The following MGAT4C variants were observed in gnomAD, a reference collection of about 807,000 sequenced individuals.
MGAT4C encodes alpha-1,3-mannosyl-glycoprotein 4-beta-N-acetylglucosaminyltransferase C.
In MGAT4C, 19 loss-of-function variants were observed where a neutral mutation model predicts 40.1. The observed-to-expected ratio is 0.47, with a 90% CI of 0.33 to 0.70. The LOEUF is 0.70. Among genes scored for constraint, MGAT4C ranks in the 30% least tolerant of loss-of-function variants. The probability of loss-of-function intolerance (pLI) is 0.02; values close to 1 mark genes in which losing one functional copy is unlikely to be tolerated. For synonymous variants in MGAT4C, 181 were observed against 187.1 expected, an observed-to-expected ratio of 0.97 and a Z score of 0.27; for missense variants, 491 against 563.2, an observed-to-expected ratio of 0.87 and a Z score of 1.30.
chr12:86,117,224 G>A (rs958841705), intron 1 of MGAT4C, among the ~76,000 whole-genome samples: 9 of 152,056 alleles, frequency 5.9e-5, no homozygotes, highest in African/African-American at 2.2e-4. Flanking sequence ...ATAATAGCAT[G>A]GGCTAAAGAA....
chr12:86,334,956 A>T (rs2136177076), intron 3 of MGAT4C, among the ~76,000 whole-genome samples: 1 of 152,160 alleles, frequency 6.6e-6, no homozygotes, highest in South Asian at 2.1e-4. Flanking sequence ...AGTTAGGAAA[A>T]TGTAAAAATG....
rs143309692 is a variant in MGAT4C at position 86,798,854 on chromosome 12, A to T, written c.-262+39812T>A. On this transcript the variant is annotated intron_variant, in intron 1 of 7. Coordinates refer to the MGAT4C transcript ENST00000548651. ...AAAATAAAATATATTGTAAAAATCA[A>T]GGTAAATATAACATCTTTTATTATT... Among the ~76,000 whole-genome samples, 1,074 of 152,022 alleles carry T rather than the reference A, an allele frequency of 7.1e-3. 10 individuals carry two copies. The highest frequency in any genetic ancestry group is 0.025 in the African/African-American group (1,023 of 41,532).
At chr12:86,131,941 A>G (rs1431484654) in intron 1 of MGAT4C, among the ~76,000 whole-genome samples, 1 of 152,160 alleles carries the variant, frequency 6.6e-6, no homozygotes, top group Non-Finnish European at 1.5e-5. Context: ...TGACTAGTAC[A>G]TTTTTAAAAC....
rs1892252200 is a variant in MGAT4C, at chr12:86,045,057, C to T, written c.-7+4617G>A. On this transcript the variant is annotated intron_variant, in intron 2 of 4. Coordinates refer to ENST00000611864, the MANE Select transcript of MGAT4C (RefSeq NM_001351288.2). ...TAGTCCCGTTCAGGGTTCCCAGCCT[C>T]CTCCTCCTTTGGCCCAGGGTCTGTG... Among the ~76,000 whole-genome samples the T allele has an allele frequency of 2.0e-5, 3 of 152,012 alleles. No individual in the cohort carries two copies. In the South Asian group the frequency reaches 6.2e-4, roughly 32 times the overall value.
At chr12:86,192,885 C>T (rs1045952992) in intron 1 of MGAT4C, among the ~76,000 whole-genome samples, 3 of 152,044 alleles carry the variant, frequency 2.0e-5, no homozygotes, top group African/African-American at 7.2e-5. Flanking sequence ...ACTTAGCATT[C>T]TAAGCTTTTC....
chr12:86,737,518 C>A (rs2136126511), intron 1 of MGAT4C, among the ~76,000 whole-genome samples: 1 of 151,280 alleles, frequency 6.6e-6, no homozygotes. Flanking sequence ...TATATTGATT[C>A]CCCTAAGTGA....
In MGAT4C at chr12:85,963,034, A is replaced by G. The variant is rs1242083915; in HGVS notation, c.*16255T>C. On this transcript the variant is annotated 3_prime_UTR_variant, in exon 5 of 5. Transcript: ENST00000611864. ...TTGTCCAAAAGAATTTAATTAATAT[A>G]AACAATAAATTCACTTAAACAACTA... 6.6e-6 allele frequency: 1 copy of G among 151,908 alleles called. No individual in the cohort carries two copies. Among genetic ancestry groups the G allele is most frequent in the African/African-American group, 2.4e-5 (1 of 41,428 alleles). The allele number at this position is 151,908 out of a possible 1,614,324, so 9.4% of individuals were successfully genotyped here.
Position 86,241,064 on chromosome 12 carries a change from C to T in MGAT4C, c.-57+15175G>A, listed in dbSNP as rs1266872813. Among the ~76,000 whole-genome samples the T allele has an allele frequency of 4.6e-5, 7 of 152,018 alleles. No individual in the cohort carries two copies. The East Asian group carries it at 9.7e-4, about 21-fold the overall frequency. ...CATGATTAGTTTTAAATTATGCATT[C>T]CAGGCAAAAAAATAATACACAGGTG... On this transcript the variant is annotated intron_variant, in intron 1 of 4. Transcript: ENST00000611864.
intron 2 of MGAT4C, among the ~76,000 whole-genome samples, chr12:86,048,398 T>C (rs933308638): frequency 6.6e-6 from 1 of 151,990 alleles, no homozygotes; most frequent in African/African-American, 2.4e-5. Context: ...TGATCATTCA[T>C]ATACCAAACG....
chr12:86,567,165 G>T (rs1320231805), intron 2 of MGAT4C, among the ~76,000 whole-genome samples: 1 of 152,088 alleles, frequency 6.6e-6, no homozygotes, highest in African/African-American at 2.4e-5. Flanking sequence ...CCATAGCCAG[G>T]ATTCACAGGT....
Position 86,746,359 on chromosome 12 carries a change from A to G in MGAT4C, c.-261-19118T>C, listed in dbSNP as rs541251358. 2.6e-5 allele frequency among the ~76,000 whole-genome samples: 4 copies of G among 151,642 alleles called. No individual in the cohort carries two copies. In the East Asian group the frequency reaches 7.8e-4, roughly 30 times the overall value. ...TTCAAATGTACTGATTTATCCTCCA[A>G]AGCTTTTGGTGATCTGTTATTTATG... On this transcript the variant is annotated intron_variant, in intron 1 of 7. Transcript: ENST00000548651.
At chr12:86,664,725 T>A (rs1964062252) in intron 2 of MGAT4C, among the ~76,000 whole-genome samples, 1 of 152,206 alleles carries the variant, frequency 6.6e-6, no homozygotes. Flanking sequence ...AAAAATCTTA[T>A]TATTCAAATT....
chr12:86,705,949 A>C (rs1177346295), intron 2 of MGAT4C, among the ~76,000 whole-genome samples: 1 of 152,174 alleles, frequency 6.6e-6, no homozygotes, highest in Admixed American at 6.6e-5. Context: ...GTTCTCTTAA[A>C]GGAAGATTAG....
intron 1 of MGAT4C, among the ~76,000 whole-genome samples, chr12:86,088,932 GTAT>G (rs1446356224): frequency 6.6e-6 from 1 of 151,944 alleles, no homozygotes; most frequent in East Asian, 1.9e-4. Flanking sequence ...GCAATTGTAA[GTAT>G]TATTGTCTTC....
chr12:86,750,691 T>C (rs1241123102), intron 1 of MGAT4C, among the ~76,000 whole-genome samples: 5 of 151,942 alleles, frequency 3.3e-5, no homozygotes, highest in Non-Finnish European at 7.4e-5. Flanking sequence ...GTTACTAATA[T>C]AGGTAACTTG....
chr12:86,733,029 T>A (rs1395205566), intron 1 of MGAT4C, among the ~76,000 whole-genome samples: 1 of 152,014 alleles, frequency 6.6e-6, no homozygotes, highest in East Asian at 1.9e-4. Flanking sequence ...ATTACTGACA[T>A]AATAGACGAA....
chr12:86,122,060 A>T (rs1426301088), intron 1 of MGAT4C, among the ~76,000 whole-genome samples: 1 of 152,196 alleles, frequency 6.6e-6, no homozygotes, highest in African/African-American at 2.4e-5. Context: ...AAATTTGAAA[A>T]ATAACTATAG....
intron 4 of MGAT4C, among the ~76,000 whole-genome samples, chr12:86,317,573 T>C (rs1376379010): frequency 6.6e-6 from 1 of 152,060 alleles, no homozygotes; most frequent in African/African-American, 2.4e-5. Context: ...GTAGGAAGGA[T>C]GTGTGACTGG....
intron 1 of MGAT4C, among the ~76,000 whole-genome samples, chr12:86,777,966 C>A (rs926539311): frequency 2.6e-5 from 4 of 151,950 alleles, no homozygotes; most frequent in African/African-American, 7.3e-5. Flanking sequence ...ATTTTAAAAT[C>A]ATTGAATTAA....
Sources: gnomAD v4.1 joint callset for allele counts (sites outside exome capture counted in the v4.1 genomes callset) on GRCh38, gnomAD v4.1.1 for gene constraint, MANE v1.5 for transcripts, NCBI Gene and HGNC (gene_info 2026-07-23, HGNC 2026-07-21) for gene names.